KALRN: variants seen among roughly 807,000 people sequenced by gnomAD.
The protein encoded by KALRN is kalirin.
Under a neutral mutation model 353.7 loss-of-function variants are expected in KALRN, and 70 were observed. The ratio of observed to expected loss-of-function variants is 0.20; its 90% CI spans 0.16 to 0.24. The LOEUF (loss-of-function observed/expected upper bound fraction) is 0.24, where lower values mean the gene tolerates loss of function less well. Ranked by LOEUF, KALRN falls within the 10% of genes least tolerant of loss-of-function variation. The probability of loss-of-function intolerance (pLI) is 1.00; values close to 1 mark genes in which losing one functional copy is unlikely to be tolerated. For synonymous variants in KALRN, 1,391 were observed against 1,434.8 expected, an observed-to-expected ratio of 0.97 and a Z score of 0.69; for missense variants, 2,791 against 3,756.7, an observed-to-expected ratio of 0.74 and a Z score of 6.72.
At chr3:124,097,114 C>G (rs1451898874) in intron 1 of KALRN, among the ~76,000 whole-genome samples, 3 of 152,226 alleles carry the variant, frequency 2.0e-5, no homozygotes, top group Non-Finnish European at 4.4e-5. Context: ...TAAAGTATTA[C>G]ACATGTGTGC....
chr3:124,348,785 G>C (rs547150623), intron 10 of KALRN, among the ~76,000 whole-genome samples: 1 of 151,996 alleles, frequency 6.6e-6, no homozygotes, highest in Non-Finnish European at 1.5e-5. Context: ...TGATGTGATC[G>C]TGACTCACTG....
intron 1 of KALRN, among the ~76,000 whole-genome samples, chr3:124,115,467 A>G (rs957944819): frequency 2.0e-5 from 3 of 151,830 alleles, no homozygotes; most frequent in African/African-American, 7.3e-5. Flanking sequence ...ATTTTTACCC[A>G]CTTCTCTGTT....
chr3:124,556,351 G>A (rs2071242289), intron 33 of KALRN, among the ~76,000 whole-genome samples: 1 of 152,098 alleles, frequency 6.6e-6, no homozygotes, highest in Non-Finnish European at 1.5e-5. Context: ...TGAAATCCCA[G>A]AGCTCCACGA....
chr3:124,289,625 A>G (rs2076251402), intron 5 of KALRN, among the ~76,000 whole-genome samples: 1 of 152,086 alleles, frequency 6.6e-6, no homozygotes, highest in Non-Finnish European at 1.5e-5. Context: ...ATTATCTGGG[A>G]AGTTATTGTT....
At chr3:124,657,608 C>T (rs573159004) in intron 40 of KALRN, 57 bp downstream of exon 40, 3 of 1,444,330 alleles carry the variant, frequency 2.1e-6, no homozygotes, top group Non-Finnish European at 2.9e-6. Flanking sequence ...GACTTGAGTC[C>T]TCTTCCTGCA....
Position 124,678,279 on chromosome 3 carries a change from C to T in KALRN, c.7283C>T (p.Pro2428Leu). 1 of 1,613,940 alleles carries T rather than the reference C, an allele frequency of 6.2e-7. No homozygotes were observed. The highest frequency in any genetic ancestry group is 1.1e-5 in the South Asian group (1 of 91,066). The stretch of plus-strand genomic sequence containing the variant: ...AATGAAGCCACAGGGCCTCGTAAAC[C>T]CAAGGATATTCTGGGCAACAAAGTC... Reference protein sequence around the residue: ...GKNEATGPRKPKDILGNKVSV... With the variant: ...GKNEATGPRKLKDILGNKVSV... The change falls in exon 50 of 60, where the codon CCC becomes CTC. Residue 2428 changes from proline to leucine, a missense_variant. Coordinates refer to ENST00000682506, the MANE Select transcript of KALRN (RefSeq NM_001388419.1).
chr3:124,367,409 A>G (rs868081767), intron 10 of KALRN, among the ~76,000 whole-genome samples: 14 of 16,182 alleles, frequency 8.7e-4, no homozygotes, highest in Admixed American at 2.0e-3. Flanking sequence ...GGCCGGGCGG[A>G]GGGCTGACCC....
At chr3:124,706,586 T>C (rs977686643) in intron 57 of KALRN, among the ~76,000 whole-genome samples, 10 of 152,134 alleles carry the variant, frequency 6.6e-5, no homozygotes, top group African/African-American at 2.4e-4. Context: ...TTTTTTTTTT[T>C]TGAGACAGAG....
chr3:124,680,731 C>T (rs1007628385), intron 51 of KALRN, among the ~76,000 whole-genome samples: 3 of 152,156 alleles, frequency 2.0e-5, no homozygotes, highest in South Asian at 2.1e-4. Flanking sequence ...CCGAGGCAAT[C>T]GGCTGACAAT....
chr3:124,426,070 A>G (rs771580813), intron 15 of KALRN, among the ~76,000 whole-genome samples: 41 of 152,218 alleles, frequency 2.7e-4, no homozygotes, highest in Non-Finnish European at 5.6e-4. Flanking sequence ...GCAAAAGGGC[A>G]GTGGCCCTCG....
intron 56 of KALRN, 149 bp from the exon 57 acceptor site, chr3:124,701,889 C>T: frequency 1.7e-6 from 1 of 585,436 alleles, no homozygotes; most frequent in Non-Finnish European, 3.0e-6. Context: ...AATAACATTC[C>T]AGAGAATCAT....
intron 57 of KALRN, among the ~76,000 whole-genome samples, chr3:124,712,698 A>C (rs2062950840): frequency 6.7e-6 from 1 of 149,342 alleles, no homozygotes; most frequent in South Asian, 2.1e-4. Flanking sequence ...ATAAAAATAT[A>C]ATTTATAATG....
At chr3:124,527,841 G>T (rs1391572530) in intron 33 of KALRN, among the ~76,000 whole-genome samples, 1 of 152,128 alleles carries the variant, frequency 6.6e-6, no homozygotes, top group Non-Finnish European at 1.5e-5. Flanking sequence ...GAAGAACCTA[G>T]ATTCCATTCA....
chr3:124,716,564 G>A (rs1393132198), intron 58 of KALRN, among the ~76,000 whole-genome samples: 1 of 152,098 alleles, frequency 6.6e-6, no homozygotes, highest in Non-Finnish European at 1.5e-5. Context: ...AAAAGGTGGT[G>A]GGGTAGGGGA....
At chr3:124,585,023 C>A in intron 34 of KALRN, 2 of 1,266,322 alleles carry the variant, frequency 1.6e-6, no homozygotes, top group Non-Finnish European at 2.1e-6. Context: ...GCGGATGGGG[C>A]TGGGGATCAG....
In KALRN at chr3:124,678,181, G is replaced by T; in HGVS notation, c.7194-9G>T. On this transcript the variant is annotated splice_polypyrimidine_tract_variant and intron_variant, in intron 49 of 59. Transcript: ENST00000682506. ...GCCATTTTGATTGGTGCATTTTTTG[G>T]TACAACAGGAAGTCATGTTCATGGC... 6.2e-7 allele frequency: 1 copy of T among 1,612,884 alleles called. No individual in the cohort carries two copies. The highest frequency in any genetic ancestry group is 8.5e-7 in the Non-Finnish European group (1 of 1,179,430).
At chr3:124,567,980 GA>G (rs756025094) in intron 34 of KALRN, among the ~76,000 whole-genome samples, 24 of 148,304 alleles carry the variant, frequency 1.6e-4, no homozygotes, top group East Asian at 1.6e-3. Context: ...ATCTCAGGGG[GA>G]AAAAAAAAGA....
intron 13 of KALRN, among the ~76,000 whole-genome samples, chr3:124,399,948 G>C (rs192478705): frequency 5.5e-4 from 84 of 152,126 alleles, no homozygotes; most frequent in African/African-American, 1.9e-3. Context: ...GGATAGCAAA[G>C]GGTTAAATTA....
At chr3:124,223,954 A>G (rs2078203718) in intron 1 of KALRN, among the ~76,000 whole-genome samples, 1 of 152,208 alleles carries the variant, frequency 6.6e-6, no homozygotes, top group African/African-American at 2.4e-5. Flanking sequence ...GGCAGGGGTA[A>G]TTTGTACTTC....
Sources: gnomAD v4.1 joint callset for allele counts (sites outside exome capture counted in the v4.1 genomes callset) on GRCh38, gnomAD v4.1.1 for gene constraint, MANE v1.5 for transcripts, NCBI Gene and HGNC (gene_info 2026-07-23, HGNC 2026-07-21) for gene names.